CHD7: variants seen among roughly 807,000 people sequenced by gnomAD.
The protein encoded by CHD7 is chromodomain helicase DNA binding protein 7, also known as ATP-dependent chromatin remodeler CHD7.
In CHD7, 24 loss-of-function variants were observed where a neutral mutation model predicts 307.3. That is an observed-to-expected ratio of 0.08 (90% CI 0.06 to 0.11). CHD7 has a LOEUF of 0.11. CHD7 is among the 10% of genes least tolerant of loss of function. The pLI is 1.00. For synonymous variants in CHD7, 1,363 were observed against 1,349.9 expected, an observed-to-expected ratio of 1.01 and a Z score of -0.21; for missense variants, 3,106 against 3,727.1, an observed-to-expected ratio of 0.83 and a Z score of 4.34.
chr8:60,820,694 C>T (rs955866471), intron 9 of CHD7, among the ~76,000 whole-genome samples: 23 of 152,166 alleles, frequency 1.5e-4, no homozygotes, highest in African/African-American at 5.6e-4. Flanking sequence ...GAATTGTGTC[C>T]TTCCTGGCTT....
chr8:60,788,367 C>T (rs1231642925), intron 3 of CHD7, among the ~76,000 whole-genome samples: 2 of 152,084 alleles, frequency 1.3e-5, no homozygotes, highest in Non-Finnish European at 2.9e-5. Context: ...TCTCGAACTC[C>T]TGGCCTCAAG....
At chr8:60,805,101 G>A (rs1812478258) in intron 6 of CHD7, among the ~76,000 whole-genome samples, 1 of 152,174 alleles carries the variant, frequency 6.6e-6, no homozygotes, top group Admixed American at 6.5e-5. Flanking sequence ...AATGGCTTCT[G>A]AAAATAGGGC....
In CHD7 at chr8:60,865,068, G is replaced by A. The variant is rs1426314940; in HGVS notation, c.8129G>A (p.Arg2710Gln). The change falls in exon 38 of 38, where the codon CGG becomes CAG. Residue 2710 changes from arginine to glutamine, a missense_variant. Around this residue, in one of 10 missense-constraint regions of CHD7, gnomAD observed 351 missense variants for 366.2 expected, o/e 0.96. Coordinates refer to ENST00000423902, the MANE Select transcript of CHD7 (RefSeq NM_017780.4). The surrounding 1 kb of genome is among the most constrained non-coding windows in gnomAD (Gnocchi z 4.3). Reference protein sequence around the residue: ...FDRLLTGPVVRGEGASRRGRR... With the variant: ...FDRLLTGPVVQGEGASRRGRR... ...CGCCTTCTCACTGGGCCTGTAGTGC[G>A]GGGAGAGGGAGCGAGCAGAAGAGGA... is the stretch of plus-strand genomic sequence containing the variant. 2.5e-6 allele frequency: 4 copies of A among 1,609,700 alleles called. No homozygotes were observed. Among genetic ancestry groups the A allele is most frequent in the Non-Finnish European group, 3.4e-6 (4 of 1,177,954 alleles).
At chr8:60,703,438 G>A (rs754466550) in intron 1 of CHD7, among the ~76,000 whole-genome samples, 2 of 152,224 alleles carry the variant, frequency 1.3e-5, no homozygotes, top group East Asian at 1.9e-4. Flanking sequence ...ATTGGTCAAG[G>A]TAGGGTTATG....
chr8:60,709,425 G>A (rs540188995), intron 1 of CHD7, among the ~76,000 whole-genome samples: 2 of 152,264 alleles, frequency 1.3e-5, no homozygotes, highest in South Asian at 4.1e-4. Context: ...AGAATAGTAG[G>A]TTTACAGGTT....
At chr8:60,810,871 C>T (rs966132618) in intron 7 of CHD7, among the ~76,000 whole-genome samples, 6 of 152,290 alleles carry the variant, frequency 3.9e-5, no homozygotes, top group East Asian at 1.9e-4. Flanking sequence ...GGAACCTGGC[C>T]GCACAGCAGG....
intron 6 of CHD7, among the ~76,000 whole-genome samples, chr8:60,803,028 G>C (rs1057391227): frequency 1.3e-5 from 2 of 152,152 alleles, no homozygotes; most frequent in African/African-American, 4.8e-5. Flanking sequence ...TGAATGTGAA[G>C]ATTTCCTGAT....
intron 2 of CHD7, among the ~76,000 whole-genome samples, chr8:60,777,654 G>A (rs1222775012): frequency 6.6e-6 from 1 of 152,130 alleles, no homozygotes; most frequent in African/African-American, 2.4e-5. Flanking sequence ...CGATAATTTA[G>A]TTGTATGTCT....
rs148652297 is a variant in CHD7, at chr8:60,835,939, A to T, written c.3779-134A>T. 6.3e-4 allele frequency: 420 copies of T among 663,404 alleles called. 1 individual carries two copies. The African/African-American group carries it at 7.1e-3, about 11-fold the overall frequency. The allele number at this position is 663,404 out of a possible 1,614,324, so 41.1% of individuals were successfully genotyped here. On this transcript the variant is annotated intron_variant, in intron 15 of 37. Coordinates refer to ENST00000423902, the MANE Select transcript of CHD7 (RefSeq NM_017780.4). ...TATAGACCCAACTATGAGTAAGTGG[A>T]TGGATTCTTGTTCATAAGCAGGAGT...
At position 60,742,034 on chromosome 8, in the gene CHD7, A is replaced by G. The variant is rs764496155; in HGVS notation, c.602A>G (p.Gln201Arg). 183 of 1,613,742 alleles carry G rather than the reference A, an allele frequency of 1.1e-4. No homozygotes were observed. Among genetic ancestry groups the G allele is most frequent in the Non-Finnish European group, 1.5e-4 (174 of 1,179,886 alleles). Residue 201 changes from glutamine to arginine, a missense_variant, in exon 2 of 38, where the codon CAG becomes CGG. This residue lies in a region of CHD7 where 998 missense variants were observed against 1,004.5 expected (regional missense o/e 0.99). Transcript: ENST00000423902. ...ATGGCACGTGGGGATTTTTCCATGCAGCAGCATGGTCAGCCACAGCAGAGG... is the reference window on the plus strand; with the variant it reads ...ATGGCACGTGGGGATTTTTCCATGCGGCAGCATGGTCAGCCACAGCAGAGG... The part of the protein sequence containing the change: ...SYMARGDFSM[Q>R]QHGQPQQRMS...
At position 60,860,950 on chromosome 8, in the gene CHD7, C is replaced by T. The variant is rs1805941132; in HGVS notation, c.7655C>T (p.Pro2552Leu). ...TKAFEEDIET[P>L]PTRNIPSPGQ... is the part of the protein sequence containing the mutation. The stretch of plus-strand genomic sequence containing the variant: ...GCTTTTGAAGAAGATATAGAGACCC[C>T]ACCAACAAGAAACATTCCTTCTCCC... The change falls in exon 35 of 38, where the codon CCA (proline) becomes CTA (leucine). Residue 2552 changes from proline to leucine, a missense_variant. By Grantham distance (98) the Pro-to-Leu change is moderately conservative (BLOSUM62 -3). Coordinates refer to ENST00000423902, the MANE Select transcript of CHD7 (RefSeq NM_017780.4). 1.2e-6 allele frequency: 2 copies of T among 1,613,848 alleles called. No individual in the cohort carries two copies. The highest frequency in any genetic ancestry group is 1.3e-5 in the African/African-American group (1 of 74,886).
At chr8:60,816,635 T>C in intron 8 of CHD7, 134 bp downstream of exon 8, 1 of 602,654 alleles carries the variant, frequency 1.7e-6, no homozygotes, top group Non-Finnish European at 2.9e-6. Context: ...TGGTAACTGG[T>C]TCTTGCTAAC....
intron 1 of CHD7, among the ~76,000 whole-genome samples, chr8:60,692,151 T>C (rs146430946): frequency 1.7e-4 from 26 of 152,358 alleles, no homozygotes; most frequent in African/African-American, 5.8e-4. Context: ...ATTATAAGAA[T>C]TGCAAAAATT....
intron 6 of CHD7, among the ~76,000 whole-genome samples, chr8:60,805,787 G>A (rs1042895350): frequency 6.6e-6 from 1 of 152,016 alleles, no homozygotes; most frequent in Admixed American, 6.5e-5. Flanking sequence ...GCATAGACAT[G>A]ATAAATCTTG....
chr8:60,810,500 A>G (rs1447460434), intron 7 of CHD7, among the ~76,000 whole-genome samples: 1 of 152,042 alleles, frequency 6.6e-6, no homozygotes, highest in Non-Finnish European at 1.5e-5. Flanking sequence ...ATGTGTATAT[A>G]TTGATACTTC....
At chr8:60,778,495 G>A (rs1046763502) in intron 2 of CHD7, among the ~76,000 whole-genome samples, 3 of 152,122 alleles carry the variant, frequency 2.0e-5, no homozygotes, top group Non-Finnish European at 4.4e-5. Context: ...ATCTTTTTGT[G>A]TTATATGTTT....
intron 6 of CHD7, among the ~76,000 whole-genome samples, chr8:60,805,625 C>T (rs1812502388): frequency 1.3e-5 from 2 of 151,986 alleles, no homozygotes; most frequent in Non-Finnish European, 1.5e-5. Context: ...AGACTTGAGA[C>T]AAAATAAAAA....
At chr8:60,679,998 G>C (rs1367541530) in intron 1 of CHD7, among the ~76,000 whole-genome samples, 2 of 151,834 alleles carry the variant, frequency 1.3e-5, no homozygotes, top group African/African-American at 4.8e-5. Flanking sequence ...CGAGCGCCGG[G>C]AGGCGCGGCG....
chr8:60,766,469 T>A (rs940570973), intron 2 of CHD7, among the ~76,000 whole-genome samples: 1 of 152,200 alleles, frequency 6.6e-6, no homozygotes, highest in Non-Finnish European at 1.5e-5. Flanking sequence ...TTGCTCAGAC[T>A]GTGTAGCAGA....
Sources: allele counts gnomAD v4.1 joint callset (sites outside exome capture counted in the v4.1 genomes callset), GRCh38; gene constraint gnomAD v4.1.1; regional missense constraint gnomAD v4.1.1; non-coding constraint Gnocchi (gnomAD v3.1); transcripts MANE v1.5; gene names NCBI Gene and HGNC (gene_info 2026-07-23, HGNC 2026-07-21).